Variants in FBXL7 observed in about 807,000 individuals in gnomAD.
FBXL7 encodes the protein F-box/LRR-repeat protein 7.
In FBXL7, 12 loss-of-function variants were observed where a neutral mutation model predicts 38.3. That is an observed-to-expected ratio of 0.31 (90% CI 0.20 to 0.51). The LOEUF (loss-of-function observed/expected upper bound fraction) is 0.51, where lower values mean the gene tolerates loss of function less well. Among genes scored for constraint, FBXL7 ranks in the 20% least tolerant of loss-of-function variants. FBXL7 has a pLI of 0.98. For missense variants in FBXL7, 567 were observed against 676.4 expected (o/e 0.84, Z 1.79); for synonymous variants, 297 against 300.9 (o/e 0.99, Z 0.13).
chr5:15,830,757 G>A (rs977608838), intron 2 of FBXL7, among the ~76,000 whole-genome samples: 1 of 152,106 alleles, frequency 6.6e-6, no homozygotes, highest in African/African-American at 2.4e-5. Context: ...TTGACCTTGA[G>A]GCCAGTTTTG....
In FBXL7 at chr5:15,675,074, C is replaced by G. The variant is rs543812954; in HGVS notation, c.127+59002C>G. 4.4e-4 allele frequency among the ~76,000 whole-genome samples: 67 copies of G among 152,276 alleles called. 1 individual carries two copies. Among genetic ancestry groups the G allele is most frequent in the African/African-American group, 1.6e-3 (65 of 41,542 alleles). ...ATCTGCATTTATTTTGGAATCCAAA[C>G]TAAATCAGCAATCAGATGAATAATG... On this transcript the variant is annotated intron_variant, in intron 2 of 3. Transcript: ENST00000504595.
At chr5:15,732,112 C>T (rs564213122) in intron 2 of FBXL7, among the ~76,000 whole-genome samples, 4 of 152,260 alleles carry the variant, frequency 2.6e-5, no homozygotes, top group Admixed American at 6.5e-5. Flanking sequence ...TCCCCAGACA[C>T]GGTATAAAAT....
At chr5:15,550,144 G>T (rs540282648) in intron 1 of FBXL7, among the ~76,000 whole-genome samples, 1 of 152,208 alleles carries the variant, frequency 6.6e-6, no homozygotes, top group Non-Finnish European at 1.5e-5. Context: ...ACCTCTCAGG[G>T]GTGCACTAAA....
intron 2 of FBXL7, among the ~76,000 whole-genome samples, chr5:15,638,937 G>A (rs1741272505): frequency 6.6e-6 from 1 of 152,118 alleles, no homozygotes; most frequent in African/African-American, 2.4e-5. Context: ...CAACCCTGAA[G>A]TTCAGTCGGA....
chr5:15,835,904 T>A (rs1399473882), intron 2 of FBXL7, among the ~76,000 whole-genome samples: 1 of 152,142 alleles, frequency 6.6e-6, no homozygotes, highest in Non-Finnish European at 1.5e-5. Flanking sequence ...CCTGGGTAAT[T>A]TTATGATCTG....
chr5:15,685,542 T>C (rs940996093), intron 2 of FBXL7, among the ~76,000 whole-genome samples: 4 of 152,110 alleles, frequency 2.6e-5, no homozygotes, highest in African/African-American at 9.7e-5. Flanking sequence ...GTGTAGGGGA[T>C]GGTGGAATAT....
chr5:15,603,377 C>T (rs7443103), intron 1 of FBXL7, among the ~76,000 whole-genome samples: 1 of 152,174 alleles, frequency 6.6e-6, no homozygotes, highest in Non-Finnish European at 1.5e-5. Flanking sequence ...TTATTTACTT[C>T]ATTTTTTTTC....
chr5:15,758,694 C>T (rs1460549815), intron 2 of FBXL7, among the ~76,000 whole-genome samples: 2 of 152,178 alleles, frequency 1.3e-5, no homozygotes, highest in Non-Finnish European at 2.9e-5. Flanking sequence ...TTGTTTAACA[C>T]GGACTTAATA....
chr5:15,745,433 T>C (rs1735989624), intron 2 of FBXL7, among the ~76,000 whole-genome samples: 1 of 152,222 alleles, frequency 6.6e-6, no homozygotes. Context: ...CATGCTCTCA[T>C]GGACTTTATA....
At position 15,916,390 on chromosome 5, in the gene FBXL7, T is replaced by G. The variant is rs140557158; in HGVS notation, c.128-11500T>G. Among the ~76,000 whole-genome samples the G allele has an allele frequency of 4.6e-3, 702 of 152,290 alleles. 4 individuals are homozygous for G. The highest frequency in any genetic ancestry group is 7.5e-3 in the Non-Finnish European group (510 of 68,022). ...AGAGATGGGGGAGCATGGTCTAGAT[T>G]GAAAATCGAATTTGGGGAGTCATTA... On this transcript the variant is annotated intron_variant, in intron 2 of 3. Transcript: ENST00000504595.
intron 2 of FBXL7, among the ~76,000 whole-genome samples, chr5:15,639,152 G>A (rs1178417153): frequency 6.6e-6 from 1 of 152,160 alleles, no homozygotes; most frequent in Non-Finnish European, 1.5e-5. Context: ...TTATTCTTAG[G>A]TTCCCAAATT....
intron 2 of FBXL7, among the ~76,000 whole-genome samples, chr5:15,624,596 A>T (rs1295363575): frequency 6.6e-6 from 1 of 152,182 alleles, no homozygotes; most frequent in African/African-American, 2.4e-5. Context: ...TGATTGCTGA[A>T]AGTGTCAAAT....
intron 2 of FBXL7, among the ~76,000 whole-genome samples, chr5:15,737,950 T>C (rs930632352): frequency 9.2e-5 from 14 of 152,228 alleles, no homozygotes; most frequent in African/African-American, 3.4e-4. Flanking sequence ...GCTTTTTGTA[T>C]GTAAAAGCAA....
At chr5:15,700,889 T>G (rs1169132473) in intron 2 of FBXL7, among the ~76,000 whole-genome samples, 1 of 152,172 alleles carries the variant, frequency 6.6e-6, no homozygotes, top group Admixed American at 6.5e-5. Context: ...CCTGGTGAGG[T>G]TGTATATAAA....
At chr5:15,640,404 C>T (rs79348395) in intron 2 of FBXL7, among the ~76,000 whole-genome samples, 4,487 of 152,212 alleles carry the variant, frequency 0.029, 110 homozygotes, top group East Asian at 0.054. Context: ...TTAAGGACAG[C>T]AGTTATAGAA....
intron 2 of FBXL7, among the ~76,000 whole-genome samples, chr5:15,646,421 A>G (rs953815243): frequency 1.3e-5 from 2 of 152,190 alleles, no homozygotes; most frequent in African/African-American, 2.4e-5. Context: ...CTGGCTCCAC[A>G]GTGAAGAACT....
intron 1 of FBXL7, among the ~76,000 whole-genome samples, chr5:15,547,742 A>C (rs1387913366): frequency 6.6e-6 from 1 of 152,204 alleles, no homozygotes; most frequent in Non-Finnish European, 1.5e-5. Context: ...GGGAGACCAG[A>C]AAGAGTCCGG....
At chr5:15,687,339 A>C (rs937929963) in intron 2 of FBXL7, among the ~76,000 whole-genome samples, 1 of 152,198 alleles carries the variant, frequency 6.6e-6, no homozygotes, top group Admixed American at 6.5e-5. Context: ...GTTTTACAGA[A>C]TCCAAATTGT....
intron 2 of FBXL7, among the ~76,000 whole-genome samples, chr5:15,890,307 G>T (rs557180938): frequency 7.9e-5 from 12 of 152,004 alleles, no homozygotes; most frequent in Admixed American, 7.9e-4. Flanking sequence ...AGGCTGGATC[G>T]CAGCACAATC....
Sources: gnomAD v4.1 joint callset for allele counts (sites outside exome capture counted in the v4.1 genomes callset) on GRCh38, gnomAD v4.1.1 for gene constraint, MANE v1.5 for transcripts, NCBI Gene and HGNC (gene_info 2026-07-23, HGNC 2026-07-21) for gene names.